The following DOCK5 variants were observed in gnomAD, a reference collection of about 807,000 sequenced individuals.
DOCK5 encodes the protein dedicator of cytokinesis 5.
A neutral mutation model predicts 251.8 loss-of-function variants in DOCK5; 142 were observed. The ratio of observed to expected loss-of-function variants is 0.56; its 90% CI spans 0.49 to 0.65. The LOEUF is 0.65. Ranked by LOEUF, DOCK5 falls within the 30% of genes least tolerant of loss-of-function variation. The pLI is 0.00. For missense variants in DOCK5, 2,111 were observed against 2,312.3 expected, an observed-to-expected ratio of 0.91 and a Z score of 1.79; for synonymous variants, 842 against 835.5, an observed-to-expected ratio of 1.01 and a Z score of -0.13.
chr8:25,341,365 A>T (rs1805951020), intron 23 of DOCK5, among the ~76,000 whole-genome samples: 1 of 152,128 alleles, frequency 6.6e-6, no homozygotes, highest in African/African-American at 2.4e-5. Context: ...TAATTTTTTT[A>T]AAAAATATGA....
intron 39 of DOCK5, among the ~76,000 whole-genome samples, chr8:25,381,569 A>G (rs989176722): frequency 6.6e-6 from 1 of 152,018 alleles, no homozygotes; most frequent in African/African-American, 2.4e-5. Flanking sequence ...TCAAGGCTGC[A>G]GTGAACTGTA....
intron 44 of DOCK5, 96 bp downstream of exon 44, chr8:25,392,978 G>A: frequency 1.8e-6 from 2 of 1,084,382 alleles, no homozygotes; most frequent in Non-Finnish European, 2.7e-6. Context: ...ACACCAGCTT[G>A]GCCAGCCTCC....
At chr8:25,227,129 G>T (rs1802552449) in intron 1 of DOCK5, among the ~76,000 whole-genome samples, 1 of 152,140 alleles carries the variant, frequency 6.6e-6, no homozygotes, top group Non-Finnish European at 1.5e-5. Flanking sequence ...ATTTCAAAAA[G>T]TGTTGCTAGG....
chr8:25,241,017 GCT>G (rs1395865979), intron 1 of DOCK5, among the ~76,000 whole-genome samples: 1 of 152,114 alleles, frequency 6.6e-6, no homozygotes, highest in Admixed American at 6.5e-5. Context: ...GTGTCTCTCA[GCT>G]CTCTCTCTTT....
chr8:25,190,856 T>C (rs1464443028), intron 1 of DOCK5, among the ~76,000 whole-genome samples: 3 of 137,190 alleles, frequency 2.2e-5, no homozygotes, highest in African/African-American at 8.0e-5. Flanking sequence ...CGATCTCGGC[T>C]CACTGCAAGC....
chr8:25,236,659 C>T (rs1802804664), intron 1 of DOCK5, among the ~76,000 whole-genome samples: 1 of 152,110 alleles, frequency 6.6e-6, no homozygotes, highest in African/African-American at 2.4e-5. Context: ...TGGCTCACTG[C>T]AGCCTCCGCC....
At chr8:25,271,136 C>A in intron 3 of DOCK5, 1 of 302,312 alleles carries the variant, frequency 3.3e-6, no homozygotes, top group Non-Finnish European at 6.0e-6. Flanking sequence ...AGATAGGGTT[C>A]CCCCAGGATC....
intron 1 of DOCK5, among the ~76,000 whole-genome samples, chr8:25,188,467 A>G (rs1801486843): frequency 6.6e-6 from 1 of 152,200 alleles, no homozygotes; most frequent in Non-Finnish European, 1.5e-5. Flanking sequence ...CTGCAGAGCT[A>G]GTCTGTGTGA....
At chr8:25,225,941 C>G (rs963025722) in intron 1 of DOCK5, among the ~76,000 whole-genome samples, 25 of 152,112 alleles carry the variant, frequency 1.6e-4, no homozygotes, top group African/African-American at 6.0e-4. Flanking sequence ...TACACTTTTG[C>G]AAGATGAAAG....
intron 44 of DOCK5, among the ~76,000 whole-genome samples, chr8:25,393,834 C>T (rs1240799873): frequency 2.0e-5 from 3 of 152,190 alleles, no homozygotes; most frequent in Non-Finnish European, 4.4e-5. Context: ...ATACATACAT[C>T]TTAATCACTT....
Position 25,241,031 on chromosome 8 carries a change from T to C in DOCK5, c.44-2643T>C, listed in dbSNP as rs563960994. 3.3e-5 allele frequency among the ~76,000 whole-genome samples: 5 copies of C among 152,322 alleles called. No homozygotes were observed. The South Asian group carries it at 1.0e-3, about 32-fold the overall frequency. On this transcript the variant is annotated intron_variant, in intron 1 of 51. Transcript: ENST00000276440. ...TGTGTCTCTCAGCTCTCTCTCTTTC[T>C]CTCTTATAAAGATATATGCGATTGC...
At chr8:25,358,827 G>A in intron 27 of DOCK5, 136 bp from the exon 28 acceptor site, 1 of 721,130 alleles carries the variant, frequency 1.4e-6, no homozygotes. Context: ...CCTTTAGAAT[G>A]CAGCGTGTTT....
intron 44 of DOCK5, among the ~76,000 whole-genome samples, chr8:25,394,483 T>C (rs1801312152): frequency 6.6e-6 from 1 of 152,108 alleles, no homozygotes; most frequent in Non-Finnish European, 1.5e-5. Flanking sequence ...ATTTCTGACT[T>C]CTGATACACA....
intron 20 of DOCK5, among the ~76,000 whole-genome samples, chr8:25,333,565 CT>C (rs1249195259): frequency 6.6e-6 from 1 of 152,140 alleles, no homozygotes; most frequent in Non-Finnish European, 1.5e-5. Flanking sequence ...CCAAATGCCT[CT>C]TTCTTCTGAC....
At chr8:25,350,356 G>T (rs1298815465) in intron 26 of DOCK5, among the ~76,000 whole-genome samples, 1 of 97,704 alleles carries the variant, frequency 1.0e-5, no homozygotes, top group Non-Finnish European at 2.1e-5. Flanking sequence ...TTGCATGTGG[G>T]TAAGTCGGAG....
chr8:25,391,057 C>G (rs1801249590), intron 42 of DOCK5, among the ~76,000 whole-genome samples: 1 of 152,062 alleles, frequency 6.6e-6, no homozygotes, highest in African/African-American at 2.4e-5. Context: ...AATCCGCCCA[C>G]TAAGAGACAG....
intron 46 of DOCK5, among the ~76,000 whole-genome samples, 174 bp downstream of exon 46, chr8:25,400,168 C>T (rs1586396412): frequency 6.6e-6 from 1 of 152,074 alleles, no homozygotes; most frequent in Non-Finnish European, 1.5e-5. Context: ...TTAAACTGCC[C>T]AGGGTTGACG....
intron 45 of DOCK5, among the ~76,000 whole-genome samples, chr8:25,399,273 G>T (rs1390601549): frequency 2.0e-5 from 3 of 152,096 alleles, no homozygotes; most frequent in African/African-American, 4.8e-5. Context: ...CTTAGCTGGG[G>T]GGTCATGAGT....
intron 34 of DOCK5, among the ~76,000 whole-genome samples, chr8:25,371,100 C>T (rs762842089): frequency 1.9e-4 from 29 of 152,230 alleles, no homozygotes; most frequent in Non-Finnish European, 2.9e-4. Flanking sequence ...TTCACCTGTT[C>T]GCCTGTTGTG....
Sources: gnomAD v4.1 joint callset for allele counts (sites outside exome capture counted in the v4.1 genomes callset) on GRCh38, gnomAD v4.1.1 for gene constraint, MANE v1.5 for transcripts, NCBI Gene and HGNC (gene_info 2026-07-23, HGNC 2026-07-21) for gene names.